Variants in IGF2R observed in about 807,000 individuals in gnomAD.
IGF2R encodes the protein cation-independent mannose-6-phosphate receptor.
Under a neutral mutation model 270.6 loss-of-function variants are expected in IGF2R, and 91 were observed. That is an observed-to-expected ratio of 0.34 (90% confidence interval 0.28 to 0.40). IGF2R has a LOEUF of 0.40. Ranked by LOEUF, IGF2R falls within the 10% of genes least tolerant of loss-of-function variation. The pLI, the probability that IGF2R is intolerant of heterozygous loss-of-function variation, is 1.00. For missense variants in IGF2R, 2,805 were observed against 3,188.3 expected, an observed-to-expected ratio of 0.88 and a Z score of 2.90; for synonymous variants, 1,316 against 1,258.9, an observed-to-expected ratio of 1.05 and a Z score of -0.96.
chr6:160,083,664 CT>C (rs1779034149), intron 39 of IGF2R, among the ~76,000 whole-genome samples: 1 of 152,370 alleles, frequency 6.6e-6, no homozygotes, highest in African/African-American at 2.4e-5. Context: ...ATGGCAATGA[CT>C]TTTACCGAGT....
intron 1 of IGF2R, among the ~76,000 whole-genome samples, chr6:159,971,844 A>T (rs1322184850): frequency 1.3e-5 from 2 of 152,072 alleles, no homozygotes; most frequent in Non-Finnish European, 2.9e-5. Flanking sequence ...TTTAATAGAG[A>T]TGACGTCTTG....
Position 160,104,844 on chromosome 6 carries a change from G to T in IGF2R, c.7236G>T (p.Glu2412Asp), listed in dbSNP as rs373123907. The T allele has an allele frequency of 6.2e-7, 1 of 1,614,248 alleles. No homozygotes were observed. The highest frequency in any genetic ancestry group is 8.5e-7 in the Non-Finnish European group (1 of 1,180,058). ...GGGATGACCAGGACAGTGAGGATGAGGTTCTGACCATCCCAGAGGTGAAAG... is the reference window on the plus strand; with the variant it reads ...GGGATGACCAGGACAGTGAGGATGATGTTCTGACCATCCCAGAGGTGAAAG... ...LHGDDQDSED[E>D]VLTIPEVKVH... Residue 2412 changes from glutamate to aspartate, a missense_variant, in exon 48 of 48, where the codon GAG becomes GAT. Glu to Asp is a conservative substitution (Grantham distance 45). Around this residue, in one of 2 missense-constraint regions of IGF2R, gnomAD observed 1,851 missense variants for 2,207.2 expected, o/e 0.84. Coordinates refer to ENST00000356956, the MANE Select transcript of IGF2R (RefSeq NM_000876.4).
At chr6:159,982,316 T>A (rs1783818455) in intron 1 of IGF2R, among the ~76,000 whole-genome samples, 1 of 152,230 alleles carries the variant, frequency 6.6e-6, no homozygotes, top group Non-Finnish European at 1.5e-5. Context: ...TGAAACACTG[T>A]CTGATACTGT....
Position 160,060,610 on chromosome 6 carries a change from A to G in IGF2R, c.3155A>G (p.Lys1052Arg). 1 of 1,614,258 alleles carries G rather than the reference A, an allele frequency of 6.2e-7. No homozygotes were observed. Among genetic ancestry groups the G allele is most frequent in the South Asian group, 1.1e-5 (1 of 91,082 alleles). ...CNDDVYSGPL[K>R]FLHQDIDSGQ... Reference sequence around the variant, plus strand: ...GATGATGTTTACTCAGGGCCCCTCAAATTCCTGCATCAAGATATCGACTCT... The same window carrying G: ...GATGATGTTTACTCAGGGCCCCTCAGATTCCTGCATCAAGATATCGACTCT... The change falls in exon 23 of 48, where the codon AAA becomes AGA. Residue 1052 changes from lysine (K) to arginine (R), a missense_variant. This residue lies in a region of IGF2R where 1,851 missense variants were observed against 2,207.2 expected (regional missense o/e 0.84). Coordinates refer to ENST00000356956, the MANE Select transcript of IGF2R (RefSeq NM_000876.4).
At position 160,085,022 on chromosome 6, in the gene IGF2R, A is replaced by G. The variant is rs1002275377; in HGVS notation, c.6096A>G (p.Ile2032Met). 6.2e-7 allele frequency: 1 copy of G among 1,613,962 alleles called. No homozygotes were observed. The highest frequency in any genetic ancestry group is 1.3e-5 in the African/African-American group (1 of 74,890). Residue 2032 changes from isoleucine to methionine, a missense_variant, in exon 41 of 48, where the codon ATA becomes ATG. By Grantham distance (10) the Ile-to-Met change is conservative. Transcript: ENST00000356956. The part of the protein sequence containing the change: ...VSYYINLCQK[I>M]YKGPLGCSER... Reference sequence around the variant, plus strand: ...ACTATATAAATCTGTGCCAGAAAATATATAAAGGGCCCCTGGGCTGCTCTG... The same window carrying G: ...ACTATATAAATCTGTGCCAGAAAATGTATAAAGGGCCCCTGGGCTGCTCTG...
At chr6:160,096,993 C>G (rs1308781224) in intron 45 of IGF2R, among the ~76,000 whole-genome samples, 1 of 152,220 alleles carries the variant, frequency 6.6e-6, no homozygotes, top group Admixed American at 6.5e-5. Context: ...CTGGTGGTGC[C>G]TCCTCTGTGT....
intron 2 of IGF2R, among the ~76,000 whole-genome samples, chr6:160,000,739 T>TC (rs987621568): frequency 4.2e-5 from 6 of 142,124 alleles, no homozygotes; most frequent in Non-Finnish European, 6.1e-5. Flanking sequence ...TTTTTTTTTT[T>TC]TTTTTTTTTT....
At chr6:160,022,087 A>T (rs183693226) in intron 4 of IGF2R, among the ~76,000 whole-genome samples, 2 of 151,956 alleles carry the variant, frequency 1.3e-5, no homozygotes, top group South Asian at 2.1e-4. Flanking sequence ...ATGAAATCCT[A>T]TGTTTTGGAG....
intron 22 of IGF2R, among the ~76,000 whole-genome samples, chr6:160,060,270 AAC>A (rs1343544799): frequency 6.6e-6 from 1 of 152,030 alleles, no homozygotes; most frequent in African/African-American, 2.4e-5. Context: ...AACCTGTCAT[AAC>A]ACAGGCCACC....
chr6:160,097,666 C>T (rs924479342), intron 45 of IGF2R, among the ~76,000 whole-genome samples: 2 of 152,170 alleles, frequency 1.3e-5, no homozygotes, highest in East Asian at 3.9e-4. Context: ...CATTCTCTGT[C>T]CTGAGACTTT....
chr6:160,045,566 C>A (rs1002544792), intron 13 of IGF2R, among the ~76,000 whole-genome samples, 179 bp from the exon 14 acceptor site: 1 of 152,160 alleles, frequency 6.6e-6, no homozygotes, highest in South Asian at 2.1e-4. Flanking sequence ...TTTGACTGTT[C>A]TAGATACCTC....
chr6:160,042,075 A>G (rs3798185), intron 11 of IGF2R, among the ~76,000 whole-genome samples: 50,774 of 151,798 alleles, frequency 0.33, 9,069 homozygotes, highest in East Asian at 0.75. Flanking sequence ...TTTTCAATCT[A>G]CAGACTTCCT....
At position 160,105,160 on chromosome 6, in the gene IGF2R, T is replaced by C. The variant is rs1476119403; in HGVS notation, c.*76T>C. On this transcript the variant is annotated 3_prime_UTR_variant, in exon 48 of 48. Coordinates refer to ENST00000356956, the MANE Select transcript of IGF2R (RefSeq NM_000876.4). The stretch of plus-strand genomic sequence containing the variant: ...CCAACCAAATAAGACTTCCACTCGA[T>C]GATGCTTCTATAATTTTGCCTTTAA... 6.3e-6 allele frequency: 8 copies of C among 1,274,686 alleles called. No individual in the cohort carries two copies. The highest frequency in any genetic ancestry group is 1.9e-4 in the Middle Eastern group (1 of 5,146). The allele number at this position is 1,274,686 out of a possible 1,614,324, so 79.0% of individuals were successfully genotyped here.
chr6:160,037,299 G>A (rs902446875), intron 10 of IGF2R, among the ~76,000 whole-genome samples: 6 of 152,150 alleles, frequency 3.9e-5, no homozygotes, highest in African/African-American at 1.4e-4. Flanking sequence ...GGCAGGAGTT[G>A]GATTAAAAAA....
intron 29 of IGF2R, among the ~76,000 whole-genome samples, chr6:160,065,812 GTGTATATATA>G (rs1266279691): frequency 1.4e-5 from 1 of 69,364 alleles, no homozygotes; most frequent in African/African-American, 6.3e-5. Flanking sequence ...GTGTGTGTGT[GTGTATATATA>G]TATATATATA....
At chr6:159,984,156 A>G (rs1002502128) in intron 1 of IGF2R, among the ~76,000 whole-genome samples, 2 of 152,352 alleles carry the variant, frequency 1.3e-5, no homozygotes, top group Admixed American at 1.3e-4. Context: ...CCTTTACGAT[A>G]TAAGTAGTAT....
intron 1 of IGF2R, among the ~76,000 whole-genome samples, chr6:159,974,244 A>G (rs1440409758): frequency 6.6e-6 from 1 of 151,208 alleles, no homozygotes; most frequent in Non-Finnish European, 1.5e-5. Context: ...ATGTTGAGCA[A>G]GAAAGGAACA....
At chr6:160,055,290 A>T (rs1244490545) in intron 19 of IGF2R, among the ~76,000 whole-genome samples, 1 of 152,166 alleles carries the variant, frequency 6.6e-6, no homozygotes, top group Admixed American at 6.5e-5. Flanking sequence ...TCTTGTTGCC[A>T]TTGAGACACT....
chr6:160,097,404 C>T (rs552968125), intron 45 of IGF2R, among the ~76,000 whole-genome samples: 8 of 152,292 alleles, frequency 5.3e-5, no homozygotes, highest in East Asian at 3.9e-4. Flanking sequence ...GGTCTTGGCT[C>T]GTTGCAACCT....
Sources: allele counts gnomAD v4.1 joint callset (sites outside exome capture counted in the v4.1 genomes callset), GRCh38; gene constraint gnomAD v4.1.1; regional missense constraint gnomAD v4.1.1; transcripts MANE v1.5; gene names NCBI Gene and HGNC (gene_info 2026-07-23, HGNC 2026-07-21).